Variants in FAM167A observed in about 807,000 individuals in gnomAD.
FAM167A encodes family with sequence similarity 167 member A, also known as protein FAM167A.
In FAM167A, 23 loss-of-function variants were observed where a neutral mutation model predicts 14.9. The ratio of observed to expected loss-of-function variants is 1.55; its 90% CI spans 1.11 to 2.19. FAM167A has a LOEUF of 2.19. Among genes scored for constraint, FAM167A ranks in the 30% most tolerant of loss-of-function variants. The pLI, the probability that FAM167A is intolerant of heterozygous loss-of-function variation, is 0.00. For missense variants in FAM167A, 401 were observed against 281.5 expected, an observed-to-expected ratio of 1.42 and a Z score of -3.04; for synonymous variants, 174 against 117.7, an observed-to-expected ratio of 1.48 and a Z score of -3.10.
intron 2 of FAM167A, among the ~76,000 whole-genome samples, chr8:11,429,346 A>G (rs1252750056): frequency 6.6e-6 from 1 of 152,224 alleles, no homozygotes; most frequent in African/African-American, 2.4e-5. Flanking sequence ...GTGTGGAGTT[A>G]GTCGGGAGGA....
At chr8:11,457,842 G>T (rs556833590) in intron 1 of FAM167A, among the ~76,000 whole-genome samples, 43 of 152,274 alleles carry the variant, frequency 2.8e-4, no homozygotes, top group Admixed American at 6.5e-4. Context: ...CCAGTCACTT[G>T]CTTTCCTCAT....
chr8:11,433,831 C>T (rs188067870), intron 2 of FAM167A: 21 of 152,296 alleles, frequency 1.4e-4, no homozygotes, highest in Non-Finnish European at 2.5e-4. Context: ...TTCCACTGTC[C>T]GACGATTTGG....
chr8:11,472,161 T>C (rs1807979184), upstream of FAM167A, among the ~76,000 whole-genome samples: 1 of 152,230 alleles, frequency 6.6e-6, no homozygotes, highest in South Asian at 2.1e-4. Context: ...AGGCTGGGAC[T>C]GATTTGAGCC....
intron 2 of FAM167A, among the ~76,000 whole-genome samples, chr8:11,427,974 C>T (rs1304581794): frequency 6.6e-6 from 1 of 152,204 alleles, no homozygotes; most frequent in Non-Finnish European, 1.5e-5. Context: ...GCTACCTAAA[C>T]CCTTCTGAGG....
In FAM167A at chr8:11,443,941, G is replaced by A; in HGVS notation, c.381+90C>T. 2.1e-6 allele frequency: 3 copies of A among 1,442,168 alleles called. No individual in the cohort carries two copies. The South Asian group carries it at 4.0e-5, about 19-fold the overall frequency. The allele number at this position is 1,442,168 out of a possible 1,614,324, so 89.3% of individuals were successfully genotyped here. On this transcript the variant is annotated intron_variant, in intron 2 of 2. Coordinates refer to ENST00000284486, the MANE Select transcript of FAM167A (RefSeq NM_053279.3). Reference sequence around the variant, plus strand: ...AGAGGGGAAGAAATACATGGTGGGGGTGGGGAGACAGACAGAGAGAGACAG... The same window carrying A: ...AGAGGGGAAGAAATACATGGTGGGGATGGGGAGACAGACAGAGAGAGACAG...
chr8:11,444,522 G>A lies in FAM167A; in HGVS notation c.-111C>T, dbSNP rs1421155545. Reference sequence around the variant, plus strand: ...CTGGGATGGCCTCATCCAGGTGCCCGAGGGCATTTCCGGGACAGGAGCCGG... The same window carrying A: ...CTGGGATGGCCTCATCCAGGTGCCCAAGGGCATTTCCGGGACAGGAGCCGG... On this transcript the variant is annotated 5_prime_UTR_variant, in exon 2 of 3. Coordinates refer to ENST00000284486, the MANE Select transcript of FAM167A (RefSeq NM_053279.3). 7.4e-6 allele frequency: 11 copies of A among 1,478,262 alleles called. No homozygotes were observed. The highest frequency in any genetic ancestry group is 2.6e-4 in the Middle Eastern group (1 of 3,918). The allele number at this position is 1,478,262 out of a possible 1,614,324, so 91.6% of individuals were successfully genotyped here. A position where few individuals can be genotyped will look rare whatever the true frequency, so the allele number is the denominator to read the frequency against.
intron 2 of FAM167A, among the ~76,000 whole-genome samples, chr8:11,427,086 C>G (rs1054090891): frequency 3.9e-5 from 6 of 152,228 alleles, no homozygotes; most frequent in Non-Finnish European, 8.8e-5. Context: ...GTCTTTGCAG[C>G]TATCTTATCT....
intron 2 of FAM167A, 112 bp downstream of exon 2, chr8:11,443,918 AG>A: frequency 1.5e-6 from 2 of 1,301,470 alleles, no homozygotes; most frequent in Non-Finnish European, 2.1e-6. Context: ...GGTTAGAGAG[AG>A]GGGAAGAAAT....
In FAM167A at chr8:11,421,729, G is replaced by T. The variant is rs1028509199; in HGVS notation, c.*2644C>A. On this transcript the variant is annotated 3_prime_UTR_variant, in exon 3 of 3. Transcript: ENST00000284486. The stretch of plus-strand genomic sequence containing the variant: ...GACATGACCACGCATGGCAGTGTCG[G>T]TGGAGAGTTTGCGTTTTACACCCAG... The T allele has an allele frequency of 3.3e-5, 13 of 398,928 alleles. No individual in the cohort carries two copies. Among genetic ancestry groups the T allele is most frequent in the Non-Finnish European group, 4.4e-5 (10 of 226,110 alleles). The allele number at this position is 398,928 out of a possible 1,614,324, so 24.7% of individuals were successfully genotyped here. A position where few individuals can be genotyped will look rare whatever the true frequency, so the allele number is the denominator to read the frequency against.
intron 2 of FAM167A, among the ~76,000 whole-genome samples, chr8:11,442,113 T>C (rs943831709): frequency 6.6e-6 from 1 of 152,210 alleles, no homozygotes; most frequent in Non-Finnish European, 1.5e-5. Flanking sequence ...TGCTCTGCTG[T>C]TGGCCTATGG....
At chr8:11,443,073 C>T (rs1232726426) in intron 2 of FAM167A, among the ~76,000 whole-genome samples, 1 of 152,266 alleles carries the variant, frequency 6.6e-6, no homozygotes, top group Non-Finnish European at 1.5e-5. Context: ...CCCTTGATGG[C>T]TGGCTCACCT....
At chr8:11,471,546 C>G (rs937493547), upstream of FAM167A, among the ~76,000 whole-genome samples, 1 of 152,194 alleles carries the variant, frequency 6.6e-6, no homozygotes, top group African/African-American at 2.4e-5. Flanking sequence ...ATCCCAGCTC[C>G]TCTGGTGATT....
chr8:11,444,131 G>T lies in FAM167A; in HGVS notation c.281C>A (p.Ser94Tyr). ...PLREAGQHPP[S>Y]ARSASQGARP... ...GGCACCTTGGCTGGCACTCCTGGCA[G>T]AAGGGGGGTGCTGCCCAGCCTCTCT... Residue 94 changes from serine (S) to tyrosine (Y), a missense_variant, in exon 2 of 3, where the codon TCT (serine) becomes TAT (tyrosine). Ser to Tyr is a moderately radical substitution (Grantham distance 144). Coordinates refer to ENST00000284486, the MANE Select transcript of FAM167A (RefSeq NM_053279.3). 1 of 1,613,228 alleles carries T rather than the reference G, an allele frequency of 6.2e-7. No homozygotes were observed.
rs1290145017 is a variant in FAM167A at position 11,444,088 on chromosome 8, G to A, written c.324C>T (p.Gly108=). Reference sequence around the variant, plus strand: ...CGATGCTCTGAAAGCCTTCCAGCTTGCCAGTGGACAGGGGTCTGGCACCTT... The same window carrying A: ...CGATGCTCTGAAAGCCTTCCAGCTTACCAGTGGACAGGGGTCTGGCACCTT... The part of the protein sequence containing the change: ...ASQGARPLST[G]KLEGFQSIDE... The change falls in exon 2 of 3, where the codon GGC becomes GGT. Residue 108 remains glycine (G), a synonymous_variant. Transcript: ENST00000284486. The A allele has an allele frequency of 3.7e-6, 6 of 1,613,476 alleles. No individual in the cohort carries two copies. In the Admixed American group the frequency reaches 1.0e-4, roughly 27 times the overall value.
Position 11,465,104 on chromosome 8 carries a change from G to A in FAM167A, c.-398+1522C>T, listed in dbSNP as rs138832571. Reference sequence around the variant, plus strand: ...GCTTCAGGTGGGAAGAATTGAGGCCGGCCAGGCCCAACAACACAGCCTTGC... The same window carrying A: ...GCTTCAGGTGGGAAGAATTGAGGCCAGCCAGGCCCAACAACACAGCCTTGC... On this transcript the variant is annotated intron_variant, in intron 1 of 2. Coordinates refer to ENST00000284486, the MANE Select transcript of FAM167A (RefSeq NM_053279.3). 1.5e-3 allele frequency among the ~76,000 whole-genome samples: 222 copies of A among 152,268 alleles called. 2 individuals carry two copies. The highest frequency in any genetic ancestry group is 4.8e-3 in the African/African-American group (199 of 41,534).
chr8:11,453,267 G>A (rs1282541451), intron 1 of FAM167A, among the ~76,000 whole-genome samples: 1 of 152,196 alleles, frequency 6.6e-6, no homozygotes, highest in Non-Finnish European at 1.5e-5. Flanking sequence ...TCAGACTCCT[G>A]GGGTCAACTG....
At position 11,421,895 on chromosome 8, in the gene FAM167A, C is replaced by G. The variant is rs2116952782; in HGVS notation, c.*2478G>C. The G allele has an allele frequency of 2.5e-6, 1 of 398,586 alleles. No individual in the cohort carries two copies. Among genetic ancestry groups the G allele is most frequent in the East Asian group, 3.6e-5 (1 of 28,074 alleles). The allele number at this position is 398,586 out of a possible 1,614,324, so 24.7% of individuals were successfully genotyped here. A position where few individuals can be genotyped will look rare whatever the true frequency, so the allele number is the denominator to read the frequency against. ...CTCATAGACCCACAGAGAGCAGGGA[C>G]TTCACAAAGCTGAATTAATGTGGTT... On this transcript the variant is annotated 3_prime_UTR_variant, in exon 3 of 3. Coordinates refer to ENST00000284486, the MANE Select transcript of FAM167A (RefSeq NM_053279.3).
chr8:11,460,607 C>T (rs1310282554), intron 1 of FAM167A, among the ~76,000 whole-genome samples: 1 of 152,270 alleles, frequency 6.6e-6, no homozygotes, highest in Non-Finnish European at 1.5e-5. Context: ...ACACCTGGTG[C>T]AACAAGAGCA....
At chr8:11,428,391 G>A (rs1319598160) in intron 2 of FAM167A, among the ~76,000 whole-genome samples, 1 of 152,244 alleles carries the variant, frequency 6.6e-6, no homozygotes, top group Non-Finnish European at 1.5e-5. Context: ...TCCATGGACT[G>A]GACAAAGGCC....
Sources: allele counts gnomAD v4.1 joint callset (sites outside exome capture counted in the v4.1 genomes callset), GRCh38; gene constraint gnomAD v4.1.1; transcripts MANE v1.5; gene names NCBI Gene and HGNC (gene_info 2026-07-23, HGNC 2026-07-21).